ZNF507: variants seen among roughly 807,000 people sequenced by gnomAD.
ZNF507 encodes zinc finger protein 507.
ZNF507 carries 29 observed loss-of-function variants against 80.0 expected under a neutral mutation model. The ratio of observed to expected loss-of-function variants is 0.36; its 90% CI spans 0.27 to 0.49. The LOEUF is 0.49. Ranked by LOEUF, ZNF507 falls within the 20% of genes least tolerant of loss-of-function variation. The pLI is 0.98. For missense variants in ZNF507, 1,081 were observed against 1,152.2 expected (o/e 0.94, Z 0.90); for synonymous variants, 462 against 422.5 (o/e 1.09, Z -1.15).
intron 2 of ZNF507, among the ~76,000 whole-genome samples, chr19:32,347,644 A>G (rs1056422570): frequency 2.0e-5 from 3 of 152,156 alleles, no homozygotes; most frequent in African/African-American, 7.2e-5. Context: ...CAAAAAAAAA[A>G]AAAATACACA....
intron 5 of ZNF507, among the ~76,000 whole-genome samples, chr19:32,370,113 C>T (rs777548763): frequency 1.4e-4 from 22 of 152,326 alleles, no homozygotes; most frequent in African/African-American, 4.3e-4. Flanking sequence ...TACGTGTGTG[C>T]GCACGCGCGT....
Position 32,385,826 on chromosome 19 carries a change from C to A in ZNF507, c.*2743C>A, listed in dbSNP as rs1053450853. Reference sequence around the variant, plus strand: ...TGAGGTCCTCTGTTTACCTCCCCCCCCAAAAAAAAAATTCAGTAGGAATTC... The same window carrying A: ...TGAGGTCCTCTGTTTACCTCCCCCCACAAAAAAAAAATTCAGTAGGAATTC... On this transcript the variant is annotated 3_prime_UTR_variant, in exon 7 of 7. Transcript: ENST00000355898. The A allele has an allele frequency of 2.0e-5, 3 of 151,540 alleles. No individual in the cohort carries two copies. Among genetic ancestry groups the A allele is most frequent in the African/African-American group, 4.9e-5 (2 of 41,232 alleles). 9.4% of individuals were successfully genotyped at this position (151,540 alleles called of 1,614,324 possible). A position where few individuals can be genotyped will look rare whatever the true frequency, so the allele number is the denominator to read the frequency against.
chr19:32,371,643 A>AT (rs111611184), intron 5 of ZNF507, among the ~76,000 whole-genome samples: 128 of 92,644 alleles, frequency 1.4e-3, no homozygotes, highest in African/African-American at 4.7e-3. Context: ...TATTATTATT[A>AT]TTTTTTTTTT....
rs1210701080 is a variant in ZNF507 at position 32,384,102 on chromosome 19, G to A, written c.*1019G>A. The A allele has an allele frequency of 1.3e-5, 2 of 151,930 alleles. No homozygotes were observed. The highest frequency in any genetic ancestry group is 4.8e-5 in the African/African-American group (2 of 41,362). 9.4% of individuals were successfully genotyped at this position (151,930 alleles called of 1,614,324 possible). ...GCTGTGTTGAGCTTTTCTTTCCTGG[G>A]GTATATTAATTTAGTTATATTTAGC... On this transcript the variant is annotated 3_prime_UTR_variant, in exon 7 of 7. Coordinates refer to ENST00000355898, the MANE Select transcript of ZNF507 (RefSeq NM_001136156.2).
In ZNF507 at chr19:32,353,698, C is replaced by G. The variant is rs1284862441; in HGVS notation, c.868C>G (p.Leu290Val). Residue 290 changes from leucine to valine, a missense_variant, in exon 3 of 7, where the codon CTG (leucine) becomes GTG (valine). Physicochemically the swap from Leu to Val is conservative, Grantham distance 32 (BLOSUM62 1). Transcript: ENST00000355898. Reference sequence around the variant, plus strand: ...TGAAAATGAAAATGAACCCCTAGGCCTGCTGGATTCTTCAGCAGCTGCTGC... The same window carrying G: ...TGAAAATGAAAATGAACCCCTAGGCGTGCTGGATTCTTCAGCAGCTGCTGC... Reference protein sequence around the residue: ...IFENENEPLGLLDSSAAAAPG... With the variant: ...IFENENEPLGVLDSSAAAAPG... 1 of 1,614,202 alleles carries G rather than the reference C, an allele frequency of 6.2e-7. No homozygotes were observed.
At chr19:32,357,193 TAA>T (rs879694194) in intron 4 of ZNF507, 6 of 143,686 alleles carry the variant, frequency 4.2e-5, no homozygotes, top group Admixed American at 1.4e-4. Context: ...TCTGCATTAT[TAA>T]AAAAAAAAAA....
At chr19:32,358,871 T>C (rs1475023958) in intron 4 of ZNF507, 3 of 152,172 alleles carry the variant, frequency 2.0e-5, no homozygotes, top group East Asian at 3.9e-4. Context: ...AAACTGAGAC[T>C]TCAAGAGGCA....
Position 32,352,969 on chromosome 19 carries a change from G to A in ZNF507, c.139G>A (p.Val47Ile). 1 of 1,614,112 alleles carries A rather than the reference G, an allele frequency of 6.2e-7. No homozygotes were observed. Among genetic ancestry groups the A allele is most frequent in the Non-Finnish European group, 8.5e-7 (1 of 1,180,030 alleles). ...RKTKPDPLIH[V>I]IQKLSKIVEN... ...AACTAAACCAGATCCATTAATCCAT[G>A]TTATCCAGAAGTTAAGCAAGATAGT... Residue 47 changes from valine to isoleucine, a missense_variant, in exon 3 of 7, where the codon GTT becomes ATT. By Grantham distance (29) the Val-to-Ile change is conservative. Coordinates refer to ENST00000355898, the MANE Select transcript of ZNF507 (RefSeq NM_001136156.2).
chr19:32,369,149 C>T (rs993695594), intron 5 of ZNF507, among the ~76,000 whole-genome samples: 2 of 152,216 alleles, frequency 1.3e-5, no homozygotes, highest in African/African-American at 2.4e-5. Flanking sequence ...GCCAAAGTAG[C>T]TTCTTTGCAT....
chr19:32,377,621 A>G (rs1967568509), intron 5 of ZNF507, among the ~76,000 whole-genome samples: 1 of 152,162 alleles, frequency 6.6e-6, no homozygotes, highest in Admixed American at 6.5e-5. Context: ...CCCACATCCC[A>G]AAGTATAAAA....
At position 32,383,251 on chromosome 19, in the gene ZNF507, A is replaced by G; in HGVS notation, c.*168A>G. 1.2e-5 allele frequency: 10 copies of G among 815,790 alleles called. No homozygotes were observed. The highest frequency in any genetic ancestry group is 1.9e-5 in the South Asian group (1 of 53,612). The allele number at this position is 815,790 out of a possible 1,614,324, so 50.5% of individuals were successfully genotyped here. ...AAACTTGTAATAAAAGGAATTCCAAATGGACAAGCAGTAATGATATTTAAA... is the reference window on the plus strand; with the variant it reads ...AAACTTGTAATAAAAGGAATTCCAAGTGGACAAGCAGTAATGATATTTAAA... On this transcript the variant is annotated 3_prime_UTR_variant, in exon 7 of 7. Coordinates refer to ENST00000355898, the MANE Select transcript of ZNF507 (RefSeq NM_001136156.2).
chr19:32,372,598 G>GGGGACACATGC, intron 5 of ZNF507, among the ~76,000 whole-genome samples: 1 of 152,012 alleles, frequency 6.6e-6, no homozygotes, highest in East Asian at 1.9e-4. Flanking sequence ...TCAAAAAAGG[G>GGGGACACATGC]GGGACACATG....
At position 32,369,984 on chromosome 19, in the gene ZNF507, A is replaced by C. The variant is rs536652726; in HGVS notation, c.2360+9366A>C. On this transcript the variant is annotated intron_variant, in intron 5 of 6. Transcript: ENST00000355898. Reference sequence around the variant, plus strand: ...TTGGATTTTTAAGTAAGATTGAACAATATTTGTCTTTCTGTGTCTGGCTTG... The same window carrying C: ...TTGGATTTTTAAGTAAGATTGAACACTATTTGTCTTTCTGTGTCTGGCTTG... Among the ~76,000 whole-genome samples the C allele has an allele frequency of 1.7e-4, 26 of 152,212 alleles. 2 individuals carry two copies. The South Asian group carries it at 3.7e-3, about 22-fold the overall frequency.
chr19:32,352,550 G>T (rs1056963372), intron 2 of ZNF507, among the ~76,000 whole-genome samples: 1 of 150,658 alleles, frequency 6.6e-6, no homozygotes, highest in Non-Finnish European at 1.5e-5. Context: ...GGCAAAGAAA[G>T]TGAAGAAAAA....
intron 2 of ZNF507, among the ~76,000 whole-genome samples, chr19:32,348,828 C>T (rs1967127690): frequency 1.3e-5 from 2 of 152,170 alleles, no homozygotes; most frequent in African/African-American, 4.8e-5. Flanking sequence ...TTTTCACTCA[C>T]CCCCAGATAG....
rs1260742989 is a variant in ZNF507 at position 32,353,950 on chromosome 19, C to T, written c.1120C>T (p.Pro374Ser). ...TTCTGATGCAGAGGAGAATCTGATT[C>T]CTGATAGCCTGCTTACATCAGCACA... ...VISDAEENLI[P>S]DSLLTSAQKI... Residue 374 changes from proline to serine, a missense_variant, in exon 3 of 7, where the codon CCT becomes TCT. By Grantham distance (74) the Pro-to-Ser change is moderately conservative. Transcript: ENST00000355898. 6.2e-7 allele frequency: 1 copy of T among 1,614,008 alleles called. No homozygotes were observed. The highest frequency in any genetic ancestry group is 8.5e-7 in the Non-Finnish European group (1 of 1,180,046).
At chr19:32,349,369 T>A (rs1967134019) in intron 2 of ZNF507, among the ~76,000 whole-genome samples, 2 of 152,198 alleles carry the variant, frequency 1.3e-5, no homozygotes, top group African/African-American at 4.8e-5. Context: ...ATGCTGCCCA[T>A]CCTTTGGGAA....
At chr19:32,364,798 C>T (rs377411477) in intron 5 of ZNF507, among the ~76,000 whole-genome samples, 5 of 152,158 alleles carry the variant, frequency 3.3e-5, no homozygotes, top group African/African-American at 1.2e-4. Flanking sequence ...TATAAACTTG[C>T]GCGTGCAAGC....
chr19:32,361,493 G>T (rs1182617056), intron 5 of ZNF507, among the ~76,000 whole-genome samples: 3 of 152,122 alleles, frequency 2.0e-5, no homozygotes, highest in Non-Finnish European at 4.4e-5. Flanking sequence ...ATCTGTGTAT[G>T]GTTTCGAATA....
Sources: allele counts gnomAD v4.1 joint callset (sites outside exome capture counted in the v4.1 genomes callset), GRCh38; gene constraint gnomAD v4.1.1; transcripts MANE v1.5; gene names NCBI Gene and HGNC (gene_info 2026-07-23, HGNC 2026-07-21).